Variants in NOTCH1 observed in about 807,000 individuals in gnomAD.
The protein encoded by NOTCH1 is neurogenic locus notch homolog protein 1.
In NOTCH1, 37 loss-of-function variants were observed where a neutral mutation model predicts 254.8. The observed-to-expected ratio is 0.15, with a 90% confidence interval of 0.11 to 0.19. The LOEUF (loss-of-function observed/expected upper bound fraction) is 0.19, where lower values mean the gene tolerates loss of function less well. NOTCH1 is among the 10% of genes least tolerant of loss of function. NOTCH1 has a pLI of 1.00. For missense variants in NOTCH1, 2,972 were observed against 3,708.6 expected, an observed-to-expected ratio of 0.80 and a Z score of 5.16; for synonymous variants, 1,731 against 1,618.1, an observed-to-expected ratio of 1.07 and a Z score of -1.68.
Position 136,509,806 on chromosome 9 carries a change from T to C in NOTCH1, c.2896A>G (p.Ser966Gly), listed in dbSNP as rs745928497. The C allele has an allele frequency of 1.4e-5, 23 of 1,613,130 alleles. No homozygotes were observed. Among genetic ancestry groups the C allele is most frequent in the Non-Finnish European group, 1.9e-5 (23 of 1,180,012 alleles). ...CCTGCGGGGCAGGTGCACGTGTAGC[T>C]GTCCACGCAGTCCGTGCAGTTGGCC... ...NGANCTDCVD[S>G]YTCTCPAGFS... The change falls in exon 18 of 34, where the codon AGC (serine) becomes GGC (glycine). Residue 966 changes from serine to glycine, a missense_variant. Physicochemically the swap from Ser to Gly is moderately conservative, Grantham distance 56. Transcript: ENST00000651671.
In NOTCH1 at chr9:136,508,236, T is replaced by C. The variant is rs2133347012; in HGVS notation, c.3321A>G (p.Arg1107=). 3 of 1,611,446 alleles carry C rather than the reference T, an allele frequency of 1.9e-6. No homozygotes were observed. The highest frequency in any genetic ancestry group is 2.5e-6 in the Non-Finnish European group (3 of 1,179,326). ...PSVSCEVAAQ[R]QGVDVARLCQ... is the part of the protein sequence containing the mutation. ...TGGGTGGGCACAGCAGGTTACCTTG[T>C]CGCTGCGCAGCCACCTCACAGGACA... The change falls in exon 20 of 34, where the codon CGA becomes CGG. Residue 1107 remains arginine, a synonymous_variant. Coordinates refer to ENST00000651671, the MANE Select transcript of NOTCH1 (RefSeq NM_017617.5).
chr9:136,495,949 C>G lies in NOTCH1; in HGVS notation c.*122G>C. The G allele has an allele frequency of 9.4e-7, 1 of 1,061,078 alleles. No individual in the cohort carries two copies. Among genetic ancestry groups the G allele is most frequent in the East Asian group, 2.6e-5 (1 of 38,024 alleles). 65.7% of individuals were successfully genotyped at this position (1,061,078 alleles called of 1,614,324 possible). ...ACTAAAAAAAATTAAAATCCTCGTT[C>G]TTATTTTGTATAAAAACATGTGTTT... On this transcript the variant is annotated 3_prime_UTR_variant, in exon 34 of 34. Coordinates refer to ENST00000651671, the MANE Select transcript of NOTCH1 (RefSeq NM_017617.5).
At chr9:136,509,680 G>A (rs1484936340) in intron 18 of NOTCH1, 53 bp downstream of exon 18, 18 of 1,539,660 alleles carry the variant, frequency 1.2e-5, no homozygotes, top group African/African-American at 5.4e-5. Context: ...CAGCTACTGC[G>A]TGTGGCCCGC....
intron 18 of NOTCH1, 82 bp downstream of exon 18, chr9:136,509,651 G>GC: frequency 7.6e-7 from 1 of 1,317,014 alleles, no homozygotes; most frequent in Non-Finnish European, 1.1e-6. Flanking sequence ...GCGGACGCCT[G>GC]CATGGTGTGC....
At chr9:136,518,501 C>T in intron 6 of NOTCH1, 90 bp downstream of exon 6, 1 of 1,275,056 alleles carries the variant, frequency 7.8e-7, no homozygotes, top group South Asian at 1.3e-5. Flanking sequence ...ATCCTGGGTG[C>T]AGGAGGGCCA....
chr9:136,497,073 C>G lies in NOTCH1; in HGVS notation c.6666G>C (p.Pro2222=), dbSNP rs202229687. 29 of 1,609,430 alleles carry G rather than the reference C, an allele frequency of 1.8e-5. No individual in the cohort carries two copies. The Admixed American group carries it at 2.7e-4, about 15-fold the overall frequency. ...DVASPPLLPS[P]FQQSPSVPLN... ...GGGGCACGGACGGAGACTGCTGGAA[C>G]GGGGAGGGCAGCAGTGGCGGCGAGG... The change falls in exon 34 of 34, where the codon CCG becomes CCC. Residue 2222 remains proline, a synonymous_variant. Transcript: ENST00000651671.
intron 11 of NOTCH1, 37 bp from the exon 12 acceptor site, chr9:136,515,437 C>G (rs370364772): frequency 6.1e-5 from 99 of 1,611,826 alleles, no homozygotes; most frequent in Admixed American, 1.3e-4. Context: ...TCCTCAGGCC[C>G]GCCCTGCCCA....
In NOTCH1 at chr9:136,544,086, C is replaced by A. The variant is rs2133406259; in HGVS notation, c.78G>T (p.Gln26His). The change falls in exon 2 of 34, where the codon CAG becomes CAT. Residue 26 changes from glutamine (Q) to histidine (H), a missense_variant. This residue lies in a region of NOTCH1 where 374 missense variants were observed against 496.3 expected (regional missense o/e 0.75). Coordinates refer to ENST00000651671, the MANE Select transcript of NOTCH1 (RefSeq NM_017617.5). ...CGCCATTCAGGCAGGTCTCACCGGG[C>A]TGGGAGCATCGCGGGCCTAGGCAGG... The part of the protein sequence containing the change: ...ALAARGPRCS[Q>H]PGETCLNGGK... 6.3e-7 allele frequency: 1 copy of A among 1,577,804 alleles called. No individual in the cohort carries two copies. Among genetic ancestry groups the A allele is most frequent in the East Asian group, 2.3e-5 (1 of 43,140 alleles).
chr9:136,502,139 C>T (rs776163226), intron 28 of NOTCH1, 51 bp from the exon 29 acceptor site: 1 of 1,607,168 alleles, frequency 6.2e-7, no homozygotes, highest in South Asian at 1.1e-5. Flanking sequence ...CCTAGGAAGC[C>T]CCCAGAGACC....
chr9:136,509,561 C>T (rs1843144701), intron 18 of NOTCH1, among the ~76,000 whole-genome samples, 172 bp downstream of exon 18: 1 of 152,210 alleles, frequency 6.6e-6, no homozygotes. Context: ...GTCACAATGG[C>T]CCTCTCAGGA....
intron 8 of NOTCH1, 148 bp from the exon 9 acceptor site, chr9:136,517,533 C>G (rs924463991): frequency 1.2e-6 from 1 of 824,968 alleles, no homozygotes; most frequent in African/African-American, 1.7e-5. Flanking sequence ...CCCTGCAGCC[C>G]GTGGCCCCTG....
rs2133319167 is a variant in NOTCH1, at chr9:136,497,442, G to A, written c.6297C>T (p.Asp2099=). Residue 2099 remains aspartate, a synonymous_variant, in exon 34 of 34, where the codon GAC becomes GAT. Coordinates refer to ENST00000651671, the MANE Select transcript of NOTCH1 (RefSeq NM_017617.5). ...CGTGATGCATGCGCTCCTGTGCGAT[G>A]TCGCGCGGCAGGCGGTCCATATGAT... The part of the protein sequence containing the change: ...ITDHMDRLPR[D]IAQERMHHDI... The A allele has an allele frequency of 6.2e-7, 1 of 1,612,326 alleles. No individual in the cohort carries two copies. Among genetic ancestry groups the A allele is most frequent in the Non-Finnish European group, 8.5e-7 (1 of 1,179,934 alleles).
intron 2 of NOTCH1, 74 bp downstream of exon 2, chr9:136,543,950 G>T (rs1261964464): frequency 7.4e-7 from 1 of 1,356,310 alleles, no homozygotes; most frequent in Non-Finnish European, 1.0e-6. Context: ...CTAGTGTTCT[G>T]TCCCCTGCGC....
At chr9:136,515,227 C>A in intron 12 of NOTCH1, 63 bp downstream of exon 12, 1 of 1,504,322 alleles carries the variant, frequency 6.6e-7, no homozygotes, top group Non-Finnish European at 9.2e-7. Flanking sequence ...AGCCCCAGGG[C>A]AGAGTGGCTG....
intron 4 of NOTCH1, among the ~76,000 whole-genome samples, chr9:136,521,559 C>G (rs1589070897): frequency 6.6e-6 from 1 of 152,214 alleles, no homozygotes; most frequent in South Asian, 2.1e-4. Context: ...CCACGGCCCC[C>G]CAAGAGCTTG....
intron 2 of NOTCH1, among the ~76,000 whole-genome samples, chr9:136,537,065 C>G (rs1005063462): frequency 1.3e-5 from 2 of 152,228 alleles, no homozygotes; most frequent in East Asian, 1.9e-4. Flanking sequence ...GCACGCCAGT[C>G]CATCCTACAG....
intron 12 of NOTCH1, 144 bp downstream of exon 12, chr9:136,515,146 G>A (rs1843243486): frequency 9.3e-6 from 7 of 752,436 alleles, no homozygotes; most frequent in Admixed American, 4.0e-5. Flanking sequence ...CCCTGGTCCC[G>A]CTGCAATCTC....
rs2133378982 is a variant in NOTCH1 at position 136,523,748 on chromosome 9, C to T, written c.372G>A (p.Glu124=). The change falls in exon 3 of 34, where the codon GAG becomes GAA. Residue 124 remains glutamate (E), a synonymous_variant. Coordinates refer to ENST00000651671, the MANE Select transcript of NOTCH1 (RefSeq NM_017617.5). Reference sequence around the variant, plus strand: ...AGCCGGGCGGGCAGCGGCACTTGTACTCCGTCAGCGTGAGCAGGTCGCAGG... The same window carrying T: ...AGCCGGGCGGGCAGCGGCACTTGTATTCCGTCAGCGTGAGCAGGTCGCAGG... ...GGTCDLLTLT[E]YKCRCPPGWS... is the part of the protein sequence containing the mutation. The T allele has an allele frequency of 2.5e-6, 4 of 1,610,580 alleles. No individual in the cohort carries two copies. The highest frequency in any genetic ancestry group is 2.2e-5 in the South Asian group (2 of 90,732).
Position 136,516,109 on chromosome 9 carries a change from G to A in NOTCH1, c.1556-15C>T, listed in dbSNP as rs769589921. ...CCCAGTGAAGCCTGGGGCCGGGGAG[G>A]GGAGGGGAGGGAGTCATGTGCAACA... On this transcript the variant is annotated splice_polypyrimidine_tract_variant and intron_variant, in intron 9 of 33. Transcript: ENST00000651671. The A allele has an allele frequency of 3.2e-6, 5 of 1,571,752 alleles. No individual in the cohort carries two copies. The East Asian group carries it at 1.1e-4, about 35-fold the overall frequency.
Sources: gnomAD v4.1 joint callset for allele counts (sites outside exome capture counted in the v4.1 genomes callset) on GRCh38, gnomAD v4.1.1 for gene constraint, gnomAD v4.1.1 regional missense constraint, MANE v1.5 for transcripts, NCBI Gene and HGNC (gene_info 2026-07-23, HGNC 2026-07-21) for gene names.